ADGRB3: variants seen among roughly 807,000 people sequenced by gnomAD.
ADGRB3 encodes adhesion G protein-coupled receptor B3, also known as brain-specific angiogenesis inhibitor 3.
ADGRB3 carries 37 observed loss-of-function variants against 193.4 expected under a neutral mutation model. The ratio of observed to expected loss-of-function variants is 0.19; its 90% confidence interval spans 0.15 to 0.25. ADGRB3 has a LOEUF of 0.25. Ranked by LOEUF, ADGRB3 falls within the 10% of genes least tolerant of loss-of-function variation. The pLI is 1.00. For missense variants in ADGRB3, 1,637 were observed against 1,852.9 expected, an observed-to-expected ratio of 0.88 and a Z score of 2.14; for synonymous variants, 690 against 644.2, an observed-to-expected ratio of 1.07 and a Z score of -1.08.
At chr6:68,702,501 A>G (rs1765257501) in intron 3 of ADGRB3, among the ~76,000 whole-genome samples, 1 of 152,234 alleles carries the variant, frequency 6.6e-6, no homozygotes, top group Non-Finnish European at 1.5e-5. Flanking sequence ...CTTTGACTGC[A>G]TTAATTCAAT....
intron 3 of ADGRB3, among the ~76,000 whole-genome samples, chr6:68,713,389 A>G (rs745426363): frequency 6.6e-6 from 1 of 151,732 alleles, no homozygotes; most frequent in African/African-American, 2.4e-5. Context: ...ATGCTTCTTA[A>G]TTCTTAGGCA....
intron 26 of ADGRB3, among the ~76,000 whole-genome samples, chr6:69,350,333 T>C (rs1296346): frequency 0.24 from 36,514 of 151,046 alleles, 5,606 homozygotes; most frequent in African/African-American, 0.43. Context: ...GCCATTAGAT[T>C]GCCTTAAAGT....
chr6:69,167,993 A>C (rs910933212), intron 17 of ADGRB3, among the ~76,000 whole-genome samples: 2 of 152,176 alleles, frequency 1.3e-5, no homozygotes, highest in African/African-American at 4.8e-5. Flanking sequence ...GCATTGCAAA[A>C]TGAGAAACGA....
intron 3 of ADGRB3, among the ~76,000 whole-genome samples, chr6:68,755,104 C>T: frequency 6.6e-6 from 1 of 152,172 alleles, no homozygotes; most frequent in Admixed American, 6.5e-5. Flanking sequence ...GAAGCAGAAG[C>T]CAGTTCAAAG....
At chr6:69,090,416 C>G (rs1772671718) in intron 17 of ADGRB3, among the ~76,000 whole-genome samples, 1 of 152,200 alleles carries the variant, frequency 6.6e-6, no homozygotes, top group African/African-American at 2.4e-5. Flanking sequence ...TATGGCCTTG[C>G]TTTCCAGTAT....
chr6:68,800,614 C>T (rs561036860), intron 3 of ADGRB3, among the ~76,000 whole-genome samples: 14 of 152,186 alleles, frequency 9.2e-5, no homozygotes, highest in African/African-American at 3.4e-4. Context: ...AGGGGAAATC[C>T]TATCTGTGAA....
rs1026276578 is a variant in ADGRB3, at chr6:69,017,927, T to A, written c.1999-464T>A. Reference sequence around the variant, plus strand: ...GGCATTATAATTATTAAACAATAAATGTTTCTCTGAAGATATTTATTATTA... The same window carrying A: ...GGCATTATAATTATTAAACAATAAAAGTTTCTCTGAAGATATTTATTATTA... On this transcript the variant is annotated intron_variant, in intron 12 of 31. Coordinates refer to ENST00000370598, the MANE Select transcript of ADGRB3 (RefSeq NM_001704.3). 6.6e-5 allele frequency among the ~76,000 whole-genome samples: 10 copies of A among 152,070 alleles called. No individual in the cohort carries two copies. In the East Asian group the frequency reaches 1.9e-3, roughly 29 times the overall value.
chr6:68,891,665 G>A (rs1397456678), intron 3 of ADGRB3, among the ~76,000 whole-genome samples: 2 of 152,168 alleles, frequency 1.3e-5, no homozygotes, highest in East Asian at 3.8e-4. Context: ...TAATACTCAT[G>A]AGGAAAACAA....
chr6:68,682,632 T>TA (rs1764915402), intron 3 of ADGRB3, among the ~76,000 whole-genome samples: 1 of 152,194 alleles, frequency 6.6e-6, no homozygotes, highest in Admixed American at 6.5e-5. Flanking sequence ...TAGCACTATT[T>TA]ATCATGAAAG....
chr6:68,932,132 G>T (rs1013828698), intron 4 of ADGRB3, among the ~76,000 whole-genome samples: 16 of 152,210 alleles, frequency 1.1e-4, no homozygotes, highest in African/African-American at 3.9e-4. Context: ...ACTCATCTTT[G>T]TCGGCACCAT....
intron 20 of ADGRB3, among the ~76,000 whole-genome samples, chr6:69,245,390 G>A (rs1159903972): frequency 6.6e-6 from 1 of 151,976 alleles, no homozygotes; most frequent in Non-Finnish European, 1.5e-5. Flanking sequence ...TTGTTTATCT[G>A]TGAAGATTTT....
At chr6:69,180,343 C>T (rs775230609) in intron 17 of ADGRB3, among the ~76,000 whole-genome samples, 16 of 152,124 alleles carry the variant, frequency 1.1e-4, no homozygotes. Context: ...CCTTCTTGCA[C>T]CACAATCTAT....
At chr6:68,882,957 G>A (rs573419104) in intron 3 of ADGRB3, among the ~76,000 whole-genome samples, 2 of 151,904 alleles carry the variant, frequency 1.3e-5, no homozygotes, top group African/African-American at 4.8e-5. Context: ...GCAGTGGTGC[G>A]ATCTCTGCTT....
At chr6:69,071,489 G>A (rs1025811249) in intron 16 of ADGRB3, among the ~76,000 whole-genome samples, 2 of 152,168 alleles carry the variant, frequency 1.3e-5, no homozygotes, top group African/African-American at 4.8e-5. Flanking sequence ...TCACTCAAGA[G>A]TGGTATGTAG....
intron 3 of ADGRB3, among the ~76,000 whole-genome samples, chr6:68,858,219 A>C (rs1231040968): frequency 1.3e-5 from 2 of 152,098 alleles, no homozygotes; most frequent in African/African-American, 4.8e-5. Flanking sequence ...TTTGCTCAAA[A>C]CCTGGCCAGG....
intron 17 of ADGRB3, among the ~76,000 whole-genome samples, chr6:69,079,256 G>A (rs778144308): frequency 1.3e-5 from 2 of 151,986 alleles, no homozygotes; most frequent in Non-Finnish European, 2.9e-5. Context: ...ATGCTTCATT[G>A]TATGTGACAG....
intron 15 of ADGRB3, among the ~76,000 whole-genome samples, chr6:69,061,619 A>G (rs536568926): frequency 3.3e-5 from 5 of 152,206 alleles, no homozygotes; most frequent in Admixed American, 6.6e-5. Flanking sequence ...TATTATTTCT[A>G]AAGGCTAAAA....
At chr6:68,908,125 T>C (rs937178118) in intron 3 of ADGRB3, among the ~76,000 whole-genome samples, 1 of 152,018 alleles carries the variant, frequency 6.6e-6, no homozygotes, top group Non-Finnish European at 1.5e-5. Context: ...TTTAATTAAC[T>C]ATTGCTGTCT....
chr6:69,321,021 T>C (rs947340163), intron 20 of ADGRB3, among the ~76,000 whole-genome samples: 2 of 151,824 alleles, frequency 1.3e-5, no homozygotes, highest in Non-Finnish European at 2.9e-5. Flanking sequence ...TTATGACCTT[T>C]CTACTTCCCA....
Sources: allele counts gnomAD v4.1 joint callset (sites outside exome capture counted in the v4.1 genomes callset), GRCh38; gene constraint gnomAD v4.1.1; transcripts MANE v1.5; gene names NCBI Gene and HGNC (gene_info 2026-07-23, HGNC 2026-07-21).